Variants in DYSF observed in about 807,000 individuals in gnomAD.
DYSF encodes dysferlin, also known as dystrophy-associated fer-1-like 1.
A neutral mutation model predicts 274.9 loss-of-function variants in DYSF; 212 were observed. The observed-to-expected ratio is 0.77, with a 90% confidence interval of 0.69 to 0.86. DYSF has a LOEUF of 0.86. Among genes scored for constraint, DYSF ranks in the 40% least tolerant of loss-of-function variants. The pLI, the probability that DYSF is intolerant of heterozygous loss-of-function variation, is 0.00. For missense variants in DYSF, 2,666 were observed against 2,783.2 expected (o/e 0.96, Z 0.95); for synonymous variants, 1,091 against 1,078.7 (o/e 1.01, Z -0.22).
Position 71,669,597 on chromosome 2 carries a change from A to G in DYSF, c.5643-8A>G, listed in dbSNP as rs2152956498. 5 of 1,614,176 alleles carry G rather than the reference A, an allele frequency of 3.1e-6. No individual in the cohort carries two copies. The highest frequency in any genetic ancestry group is 1.3e-5 in the African/African-American group (1 of 75,030). On this transcript the variant is annotated splice_region_variant and splice_polypyrimidine_tract_variant and intron_variant, in intron 50 of 55. Coordinates refer to ENST00000410020, the MANE Select transcript of DYSF (RefSeq NM_001130987.2). Reference sequence around the variant, plus strand: ...TGAGAACTATTCTCTAAAAACATGTATGTCTAGTTGGATGATTGGCTTTGA... The same window carrying G: ...TGAGAACTATTCTCTAAAAACATGTGTGTCTAGTTGGATGATTGGCTTTGA...
intron 1 of DYSF, among the ~76,000 whole-genome samples, chr2:71,480,653 G>A (rs1216416620): frequency 2.0e-5 from 3 of 152,168 alleles, no homozygotes; most frequent in African/African-American, 7.2e-5. Flanking sequence ...GTCAGCCTGG[G>A]TACTTTCTTT....
At chr2:71,500,422 C>T (rs2084863264) in intron 3 of DYSF, among the ~76,000 whole-genome samples, 1 of 152,128 alleles carries the variant, frequency 6.6e-6, no homozygotes, top group Non-Finnish European at 1.5e-5. Flanking sequence ...GAGGGACTTG[C>T]CCCCAGGCCG....
rs781294310 is a variant in DYSF at position 71,481,989 on chromosome 2, G to C, written c.239+19G>C. ...GGAACAGGTAAGGTGGCCAGAGGGG[G>C]GTGCTCCATGGCTTGAAGGTGCAGG... is the stretch of plus-strand genomic sequence containing the variant. On this transcript the variant is annotated intron_variant, in intron 3 of 55. Transcript: ENST00000410020. 3 of 1,601,328 alleles carry C rather than the reference G, an allele frequency of 1.9e-6. No homozygotes were observed. Among genetic ancestry groups the C allele is most frequent in the South Asian group, 1.1e-5 (1 of 90,602 alleles).
chr2:71,548,192 G>T (rs183801780), intron 17 of DYSF, among the ~76,000 whole-genome samples: 1 of 152,330 alleles, frequency 6.6e-6, no homozygotes, highest in East Asian at 1.9e-4. Flanking sequence ...GGGCTGAGGG[G>T]CTGGGCCGGG....
At chr2:71,505,086 G>T (rs2085353062) in intron 4 of DYSF, among the ~76,000 whole-genome samples, 1 of 152,234 alleles carries the variant, frequency 6.6e-6, no homozygotes, top group Admixed American at 6.5e-5. Flanking sequence ...TGGAAATGGA[G>T]TTGGGGAGCC....
intron 40 of DYSF, among the ~76,000 whole-genome samples, chr2:71,619,611 G>A (rs189329448): frequency 3.0e-3 from 462 of 152,224 alleles, no homozygotes; most frequent in Middle Eastern, 6.8e-3. Context: ...GGCCAGCCCC[G>A]GCAGCTCTGG....
chr2:71,457,029 G>A (rs57727151), intron 1 of DYSF, among the ~76,000 whole-genome samples: 4,357 of 152,216 alleles, frequency 0.029, 114 homozygotes, highest in African/African-American at 0.068. Context: ...TTTCAAATGC[G>A]TGTTCCTCAC....
intron 30 of DYSF, among the ~76,000 whole-genome samples, chr2:71,587,029 G>A (rs139010281): frequency 0.011 from 1,749 of 152,330 alleles, 28 homozygotes; most frequent in African/African-American, 0.039. Context: ...TTGCACCTGC[G>A]GGCTGGCCAA....
chr2:71,494,216 A>G (rs1269680255), intron 3 of DYSF, among the ~76,000 whole-genome samples: 1 of 152,034 alleles, frequency 6.6e-6, no homozygotes, highest in Non-Finnish European at 1.5e-5. Context: ...CTTTCGTGGC[A>G]GTTTGTTTGA....
At chr2:71,474,554 T>C (rs909523890) in intron 1 of DYSF, among the ~76,000 whole-genome samples, 1 of 152,230 alleles carries the variant, frequency 6.6e-6, no homozygotes, top group Non-Finnish European at 1.5e-5. Context: ...TTCCTAATTA[T>C]CAATGTGCCT....
chr2:71,499,352 T>G (rs1426987711), intron 3 of DYSF, among the ~76,000 whole-genome samples: 1 of 152,256 alleles, frequency 6.6e-6, no homozygotes, highest in Non-Finnish European at 1.5e-5. Context: ...ATTGTATGAA[T>G]GTACTGTACT....
chr2:71,568,001 C>T lies in DYSF; in HGVS notation c.2616C>T (p.Val872=). 1 of 1,614,082 alleles carries T rather than the reference C, an allele frequency of 6.2e-7. No homozygotes were observed. The highest frequency in any genetic ancestry group is 8.5e-7 in the Non-Finnish European group (1 of 1,180,004). The change falls in exon 25 of 56, where the codon GTC becomes GTT. Residue 872 remains valine (V), a synonymous_variant. Transcript: ENST00000410020. ...CCCGGATGCCAGTGCAGATACGGGT[C>T]AAGCTGTGGTTTGGGCTCTCAGTGG... ...PGARMPVQIR[V]KLWFGLSVDE... is the part of the protein sequence containing the mutation.
intron 40 of DYSF, 119 bp downstream of exon 40, chr2:71,613,529 G>C (rs2093816442): frequency 2.1e-6 from 2 of 933,672 alleles, no homozygotes; most frequent in African/African-American, 3.3e-5. Context: ...TCCCCTTCTG[G>C]GCTCTGCGGT....
chr2:71,490,390 A>G lies in DYSF; in HGVS notation c.239+8420A>G, dbSNP rs543066975. 5.9e-5 allele frequency among the ~76,000 whole-genome samples: 9 copies of G among 152,246 alleles called. No homozygotes were observed. The South Asian group carries it at 1.9e-3, about 32-fold the overall frequency. ...GTTTCGCTCTCGTTGCCCAGGCTGG[A>G]GTGCAATGGCACGATCTCAGCTCAC... On this transcript the variant is annotated intron_variant, in intron 3 of 55. Coordinates refer to ENST00000410020, the MANE Select transcript of DYSF (RefSeq NM_001130987.2).
At chr2:71,633,116 T>C (rs1037472451) in intron 41 of DYSF, among the ~76,000 whole-genome samples, 1 of 152,158 alleles carries the variant, frequency 6.6e-6, no homozygotes, top group African/African-American at 2.4e-5. Context: ...GTTCCACTTG[T>C]AGAAATAATT....
chr2:71,682,828 C>T (rs1438050320), intron 55 of DYSF, 151 bp downstream of exon 55: 1 of 1,150,250 alleles, frequency 8.7e-7, no homozygotes, highest in Non-Finnish European at 1.2e-6. Context: ...GAGCCCAGCT[C>T]TGGGGAGTCT....
At chr2:71,560,814 C>T (rs866480255) in intron 22 of DYSF, among the ~76,000 whole-genome samples, 2 of 151,870 alleles carry the variant, frequency 1.3e-5, no homozygotes, top group African/African-American at 4.8e-5. Context: ...GGGAGCAGAC[C>T]TGGTGGAGCG....
intron 17 of DYSF, chr2:71,549,225 TCA>T: frequency 1.1e-6 from 1 of 920,236 alleles, no homozygotes. Context: ...CACATCTGTT[TCA>T]CACCCGGGAG....
intron 36 of DYSF, among the ~76,000 whole-genome samples, chr2:71,603,659 G>C (rs1247930870): frequency 6.6e-6 from 1 of 152,196 alleles, no homozygotes; most frequent in Non-Finnish European, 1.5e-5. Flanking sequence ...GGTCCGCCAA[G>C]TGAGCTCGCT....
Sources: allele counts gnomAD v4.1 joint callset (sites outside exome capture counted in the v4.1 genomes callset), GRCh38; gene constraint gnomAD v4.1.1; transcripts MANE v1.5; gene names NCBI Gene and HGNC (gene_info 2026-07-23, HGNC 2026-07-21).